The following ZNF521 variants were observed in gnomAD, a reference collection of about 807,000 sequenced individuals.
ZNF521 encodes the protein zinc finger protein 521, also known as LYST-interacting protein 3.
ZNF521 carries 14 observed loss-of-function variants against 105.5 expected under a neutral mutation model. The ratio of observed to expected loss-of-function variants is 0.13; its 90% CI spans 0.09 to 0.21. The LOEUF (loss-of-function observed/expected upper bound fraction) is 0.21, where lower values mean the gene tolerates loss of function less well. Among genes scored for constraint, ZNF521 ranks in the 10% least tolerant of loss-of-function variants. The pLI, the probability that ZNF521 is intolerant of heterozygous loss-of-function variation, is 1.00. For missense variants in ZNF521, 1,233 were observed against 1,629.7 expected (o/e 0.76, Z 4.19); for synonymous variants, 635 against 606.0 (o/e 1.05, Z -0.70).
At chr18:25,077,321 C>T (rs1207365258) in intron 7 of ZNF521, among the ~76,000 whole-genome samples, 1 of 152,152 alleles carries the variant, frequency 6.6e-6, no homozygotes, top group South Asian at 2.1e-4. Flanking sequence ...CCCCAAGATA[C>T]GATGGCATGC....
At chr18:25,167,240 T>A (rs2035359911) in intron 5 of ZNF521, among the ~76,000 whole-genome samples, 8 of 152,190 alleles carry the variant, frequency 5.3e-5, no homozygotes. Context: ...ACATTCACAA[T>A]TTTCCACATT....
At chr18:25,075,689 G>A (rs904485610) in intron 7 of ZNF521, among the ~76,000 whole-genome samples, 1 of 152,136 alleles carries the variant, frequency 6.6e-6, no homozygotes, top group African/African-American at 2.4e-5. Context: ...ACTAATGGAA[G>A]AAAAAATTTC....
intron 5 of ZNF521, among the ~76,000 whole-genome samples, chr18:25,095,627 C>T (rs926460385): frequency 1.3e-5 from 2 of 152,032 alleles, no homozygotes; most frequent in Admixed American, 1.3e-4. Context: ...AGGGAAAAAC[C>T]TACCTTTTCT....
chr18:25,312,735 CGGGAAGCGGA>C (rs1295450847), intron 3 of ZNF521, among the ~76,000 whole-genome samples: 1 of 56,712 alleles, frequency 1.8e-5, no homozygotes, highest in Non-Finnish European at 3.8e-5. Flanking sequence ...GGCGTGAACC[CGGGAAGCGGA>C]GCTTGCAGTG....
chr18:25,316,981 A>G (rs1912668453), intron 3 of ZNF521, among the ~76,000 whole-genome samples: 1 of 151,936 alleles, frequency 6.6e-6, no homozygotes, highest in African/African-American at 2.4e-5. Flanking sequence ...CAGCCTCCAA[A>G]GTAGCTGTGA....
At chr18:25,333,581 A>G (rs1302380260) in intron 2 of ZNF521, among the ~76,000 whole-genome samples, 1 of 151,978 alleles carries the variant, frequency 6.6e-6, no homozygotes, top group Admixed American at 6.6e-5. Flanking sequence ...AATTGGAGTA[A>G]TTTTTTTCAG....
intron 5 of ZNF521, among the ~76,000 whole-genome samples, chr18:25,107,252 C>T (rs904224413): frequency 3.5e-4 from 53 of 152,284 alleles, no homozygotes; most frequent in African/African-American, 1.3e-3. Context: ...AATACTTGGC[C>T]TATGGTAACT....
intron 3 of ZNF521, among the ~76,000 whole-genome samples, chr18:25,244,507 C>T (rs1907572634): frequency 6.6e-6 from 1 of 152,146 alleles, no homozygotes; most frequent in Non-Finnish European, 1.5e-5. Flanking sequence ...GGTGCTATTC[C>T]CAGTGCTCAA....
At position 25,236,535 on chromosome 18, in the gene ZNF521, C is replaced by CA. The variant is rs34602145; in HGVS notation, c.221-8839dup. 2.5e-3 allele frequency among the ~76,000 whole-genome samples: 307 copies of CA among 122,210 alleles called. 1 individual carries two copies. Among genetic ancestry groups the CA allele is most frequent in the African/African-American group, 3.7e-3 (132 of 35,322 alleles). The allele number at this position is 122,210 out of a possible 152,430, so 80.2% of individuals were successfully genotyped here. On this transcript the variant is annotated intron_variant, in intron 3 of 7. Transcript: ENST00000361524. Reference sequence around the variant, plus strand: ...TGGGTGACACAGTGAGACTCCATCTCAAAAAAAAAAAAAAAATTAAAAAGG... The same window carrying CA: ...TGGGTGACACAGTGAGACTCCATCTCAAAAAAAAAAAAAAAAATTAAAAAGG...
intron 5 of ZNF521, among the ~76,000 whole-genome samples, chr18:25,099,046 G>C (rs983910581): frequency 1.3e-5 from 2 of 152,104 alleles, no homozygotes; most frequent in African/African-American, 4.8e-5. Flanking sequence ...TAAGAGTGTT[G>C]AGAACTCAGT....
At chr18:25,170,749 GCA>G (rs1267864549) in intron 5 of ZNF521, among the ~76,000 whole-genome samples, 1 of 152,118 alleles carries the variant, frequency 6.6e-6, no homozygotes, top group Non-Finnish European at 1.5e-5. Context: ...TGAAGGCCAT[GCA>G]CATTTTTAAA....
At chr18:25,126,471 A>G (rs1414339887) in intron 5 of ZNF521, among the ~76,000 whole-genome samples, 1 of 152,148 alleles carries the variant, frequency 6.6e-6, no homozygotes, top group African/African-American at 2.4e-5. Flanking sequence ...AGTTTCAATT[A>G]GTTATACAGA....
intron 5 of ZNF521, among the ~76,000 whole-genome samples, chr18:25,147,816 G>A (rs1367039630): frequency 6.6e-6 from 1 of 152,134 alleles, no homozygotes; most frequent in African/African-American, 2.4e-5. Context: ...CGTGCAGAAA[G>A]AATTTTTCTA....
intron 5 of ZNF521, among the ~76,000 whole-genome samples, chr18:25,178,800 A>G (rs777677053): frequency 7.2e-5 from 11 of 152,204 alleles, no homozygotes; most frequent in Non-Finnish European, 1.3e-4. Context: ...ATGATAGCAA[A>G]GCAATTGCTA....
chr18:25,289,084 A>G (rs905923208), intron 3 of ZNF521, among the ~76,000 whole-genome samples: 8 of 152,194 alleles, frequency 5.3e-5, no homozygotes, highest in African/African-American at 1.9e-4. Context: ...ATTTACTTCC[A>G]ATTTTACTCG....
intron 5 of ZNF521, among the ~76,000 whole-genome samples, chr18:25,106,200 T>C (rs924693134): frequency 6.6e-6 from 1 of 152,188 alleles, no homozygotes; most frequent in Non-Finnish European, 1.5e-5. Context: ...TCAAACTGTA[T>C]GAAACAAGAC....
intron 4 of ZNF521, among the ~76,000 whole-genome samples, chr18:25,216,620 G>T (rs1905340854): frequency 1.3e-5 from 2 of 152,272 alleles, no homozygotes; most frequent in East Asian, 3.9e-4. Flanking sequence ...GTACAACGAT[G>T]CTATCACTGC....
chr18:25,171,739 T>C (rs769339642), intron 5 of ZNF521, among the ~76,000 whole-genome samples: 4 of 152,054 alleles, frequency 2.6e-5, no homozygotes, highest in Admixed American at 6.6e-5. Flanking sequence ...TTTACTGATA[T>C]AGGGTTCAGA....
At chr18:25,197,135 T>C (rs537663189) in intron 4 of ZNF521, among the ~76,000 whole-genome samples, 8 of 151,982 alleles carry the variant, frequency 5.3e-5, no homozygotes, top group African/African-American at 1.9e-4. Context: ...TCTTTTATCA[T>C]TGAATGAAAA....
Sources: allele counts gnomAD v4.1 joint callset (sites outside exome capture counted in the v4.1 genomes callset), GRCh38; gene constraint gnomAD v4.1.1; transcripts MANE v1.5; gene names NCBI Gene and HGNC (gene_info 2026-07-23, HGNC 2026-07-21).